Variants in RNF130 observed in about 807,000 individuals in gnomAD.
RNF130 encodes the protein E3 ubiquitin-protein ligase RNF130.
In RNF130, 21 loss-of-function variants were observed where a neutral mutation model predicts 44.6. The observed-to-expected ratio is 0.47, with a 90% confidence interval of 0.33 to 0.68. The LOEUF (loss-of-function observed/expected upper bound fraction) is 0.68. Ranked by LOEUF, RNF130 falls within the 30% of genes least tolerant of loss-of-function variation. The pLI is 0.02. For missense variants in RNF130, 479 were observed against 560.6 expected, an observed-to-expected ratio of 0.85 and a Z score of 1.47; for synonymous variants, 214 against 210.4, an observed-to-expected ratio of 1.02 and a Z score of -0.15.
intron 1 of RNF130, among the ~76,000 whole-genome samples, chr5:180,054,475 C>T (rs1461385901): frequency 6.6e-6 from 1 of 152,124 alleles, no homozygotes; most frequent in African/African-American, 2.4e-5. Flanking sequence ...CTCCGATATC[C>T]AGTTGTCCCC....
At chr5:179,957,182 T>C (rs1025935419) in intron 8 of RNF130, among the ~76,000 whole-genome samples, 17 of 152,208 alleles carry the variant, frequency 1.1e-4, no homozygotes, top group African/African-American at 3.6e-4. Context: ...GAGGCTGAGG[T>C]GGGTGGATCA....
chr5:179,960,856 A>T (rs961413619), intron 8 of RNF130, among the ~76,000 whole-genome samples: 12 of 152,178 alleles, frequency 7.9e-5, no homozygotes, highest in Non-Finnish European at 1.2e-4. Context: ...AAAAAAAAAA[A>T]AATCTTATTT....
intron 3 of RNF130, among the ~76,000 whole-genome samples, chr5:180,009,602 A>T (rs1434425276): frequency 6.6e-6 from 1 of 152,220 alleles, no homozygotes; most frequent in East Asian, 1.9e-4. Flanking sequence ...GAGGAACTGG[A>T]TCAGTCATAC....
At chr5:180,011,755 AC>A (rs1444720076) in intron 3 of RNF130, among the ~76,000 whole-genome samples, 3 of 150,950 alleles carry the variant, frequency 2.0e-5, no homozygotes, top group Non-Finnish European at 4.4e-5. Flanking sequence ...ACAGGGCAAG[AC>A]CCTGTCTCTT....
rs193202122 is a variant in RNF130, at chr5:180,021,833, T to A, written c.443-8522A>T. On this transcript the variant is annotated intron_variant, in intron 2 of 8. Transcript: ENST00000521389. ...ACACTGATGTGTCACTGCCATCCAA[T>A]CCCGAAGTCCATCCAAGCTTCTGCG... Among the ~76,000 whole-genome samples, 10 of 152,244 alleles carry A rather than the reference T, an allele frequency of 6.6e-5. No individual in the cohort carries two copies. The East Asian group carries it at 1.5e-3, about 24-fold the overall frequency.
intron 1 of RNF130, among the ~76,000 whole-genome samples, chr5:180,056,748 C>T (rs1407927632): frequency 6.6e-6 from 1 of 152,122 alleles, no homozygotes; most frequent in Non-Finnish European, 1.5e-5. Context: ...CATGACTGGA[C>T]TGCATTGTTC....
chr5:179,995,872 T>C (rs1763187053), intron 3 of RNF130, among the ~76,000 whole-genome samples: 1 of 152,248 alleles, frequency 6.6e-6, no homozygotes, highest in African/African-American at 2.4e-5. Flanking sequence ...TGGATAAAAG[T>C]TAATGATGTG....
chr5:179,946,404 C>A (rs1206669405), intron 7 of RNF130, among the ~76,000 whole-genome samples: 1 of 152,096 alleles, frequency 6.6e-6, no homozygotes, highest in South Asian at 2.1e-4. Flanking sequence ...TTTGGTCAGG[C>A]AAGACAATGG....
rs1360202071 is a variant in RNF130, at chr5:180,071,710, C to T, written c.-8G>A. 3.2e-6 allele frequency: 4 copies of T among 1,265,070 alleles called. No homozygotes were observed. Among genetic ancestry groups the T allele is most frequent in the Non-Finnish European group, 4.0e-6 (4 of 1,006,862 alleles). The allele number at this position is 1,265,070 out of a possible 1,614,324, so 78.4% of individuals were successfully genotyped here. On this transcript the variant is annotated 5_prime_UTR_variant, in exon 1 of 9. Coordinates refer to ENST00000521389, the MANE Select transcript of RNF130 (RefSeq NM_018434.6). ...CCGCCCCGCGCAGCTCATCGTCCCT[C>T]CGGCAGCCGCCGCTGCTCGCGGACC...
At chr5:179,980,715 G>A (rs1026832349) in intron 3 of RNF130, among the ~76,000 whole-genome samples, 9 of 152,188 alleles carry the variant, frequency 5.9e-5, no homozygotes, top group African/African-American at 9.7e-5. Flanking sequence ...CTTCTGGCTC[G>A]CTATACTATC....
chr5:180,040,719 C>T (rs1355290603), intron 1 of RNF130, 72 bp from the exon 2 acceptor site: 1 of 1,391,962 alleles, frequency 7.2e-7, no homozygotes, highest in Admixed American at 2.2e-5. Context: ...GTGTCAACTG[C>T]TTTCTGAATA....
exon 8 of RNF130, chr5:179,920,173 A>C (rs1761607109): frequency 3.5e-6 from 2 of 566,878 alleles, no homozygotes; most frequent in Non-Finnish European, 6.4e-6. Context: ...GAACTTTGCA[A>C]ATTAACCCTG....
chr5:179,983,243 TC>T (rs1223602691), intron 3 of RNF130, among the ~76,000 whole-genome samples: 6 of 152,120 alleles, frequency 3.9e-5, no homozygotes, highest in South Asian at 2.1e-4. Flanking sequence ...TACAAAGACT[TC>T]CCCGTTTTCT....
chr5:180,012,940 G>T, intron 3 of RNF130, 121 bp downstream of exon 3: 1 of 1,132,016 alleles, frequency 8.8e-7, no homozygotes, highest in Non-Finnish European at 1.2e-6. Flanking sequence ...ATATTAAAAT[G>T]ACTGAGTGAG....
chr5:180,051,793 A>G (rs550501663), intron 1 of RNF130, among the ~76,000 whole-genome samples: 12 of 152,348 alleles, frequency 7.9e-5, no homozygotes, highest in African/African-American at 2.9e-4. Flanking sequence ...GCATCTTAAG[A>G]GTAAGTTTAA....
At chr5:179,969,365 A>G (rs1762530932) in intron 6 of RNF130, among the ~76,000 whole-genome samples, 1 of 151,564 alleles carries the variant, frequency 6.6e-6, no homozygotes, top group South Asian at 2.1e-4. Context: ...GCAACTTACC[A>G]ACCCTCAAGA....
intron 1 of RNF130, among the ~76,000 whole-genome samples, chr5:180,046,113 C>G (rs547106683): frequency 6.6e-6 from 1 of 152,306 alleles, no homozygotes; most frequent in East Asian, 1.9e-4. Flanking sequence ...AGAATCTGTG[C>G]GCGGTGGACC....
intron 5 of RNF130, among the ~76,000 whole-genome samples, chr5:179,975,580 C>A (rs1443198634): frequency 6.6e-6 from 1 of 152,166 alleles, no homozygotes; most frequent in Non-Finnish European, 1.5e-5. Flanking sequence ...CTGTGCTGAG[C>A]AGGCTGTGTG....
At chr5:180,055,353 T>A (rs1030045240) in intron 1 of RNF130, among the ~76,000 whole-genome samples, 1 of 149,058 alleles carries the variant, frequency 6.7e-6, no homozygotes, top group Non-Finnish European at 1.5e-5. Flanking sequence ...TGAGCCACCA[T>A]GCCCAGCTAG....
Sources: allele counts gnomAD v4.1 joint callset (sites outside exome capture counted in the v4.1 genomes callset), GRCh38; gene constraint gnomAD v4.1.1; transcripts MANE v1.5; gene names NCBI Gene and HGNC (gene_info 2026-07-23, HGNC 2026-07-21).